ACTR6: variants seen among roughly 807,000 people sequenced by gnomAD.
ACTR6 encodes actin related protein 6.
A neutral mutation model predicts 52.5 loss-of-function variants in ACTR6; 50 were observed. The observed-to-expected ratio is 0.95, with a 90% CI of 0.76 to 1.20. ACTR6 has a LOEUF of 1.20. Ranked by LOEUF, ACTR6 falls within the 50% of genes most tolerant of loss-of-function variation. The probability of loss-of-function intolerance (pLI) is 0.00; values close to 1 mark genes in which losing one functional copy is unlikely to be tolerated. For missense variants in ACTR6, 344 were observed against 472.4 expected, an observed-to-expected ratio of 0.73 and a Z score of 2.52; for synonymous variants, 135 against 147.2, an observed-to-expected ratio of 0.92 and a Z score of 0.60.
chr12:100,217,667 G>A (rs185318106), intron 8 of ACTR6, among the ~76,000 whole-genome samples: 77 of 152,238 alleles, frequency 5.1e-4, no homozygotes, highest in African/African-American at 1.7e-3. Context: ...CTCATATAAA[G>A]TTAGCATTAT....
rs1232593865 is a variant in ACTR6 at position 100,223,933 on chromosome 12, A to C, written c.*18A>C. On this transcript the variant is annotated 3_prime_UTR_variant, in exon 11 of 11. Coordinates refer to ENST00000188312, the MANE Select transcript of ACTR6 (RefSeq NM_022496.5). Reference sequence around the variant, plus strand: ...ATATTTAAGCAACATTTTTGAATGAAAGTTGTGACCATAAGGTTTAATTTC... The same window carrying C: ...ATATTTAAGCAACATTTTTGAATGACAGTTGTGACCATAAGGTTTAATTTC... The C allele has an allele frequency of 6.3e-7, 1 of 1,599,738 alleles. No homozygotes were observed. The highest frequency in any genetic ancestry group is 1.1e-5 in the South Asian group (1 of 88,044).
At chr12:100,216,699 A>G (rs1592845543) in intron 8 of ACTR6, among the ~76,000 whole-genome samples, 1 of 152,346 alleles carries the variant, frequency 6.6e-6, no homozygotes, top group Non-Finnish European at 1.5e-5. Context: ...CCTTAAACTC[A>G]AGTCAGTGAA....
chr12:100,214,344 A>T (rs1379392007), intron 8 of ACTR6, among the ~76,000 whole-genome samples: 1 of 152,062 alleles, frequency 6.6e-6, no homozygotes, highest in Non-Finnish European at 1.5e-5. Flanking sequence ...ACAAAAGTGA[A>T]TTTTTTTGGG....
chr12:100,205,162 C>T (rs912923625), intron 2 of ACTR6, 105 bp downstream of exon 2: 1 of 627,926 alleles, frequency 1.6e-6, no homozygotes, highest in Middle Eastern at 4.0e-4. Flanking sequence ...TTAACTACAA[C>T]CTAATTAAAC....
At chr12:100,210,721 C>CAA (rs537889632) in intron 6 of ACTR6, among the ~76,000 whole-genome samples, 6 of 129,966 alleles carry the variant, frequency 4.6e-5, no homozygotes, top group South Asian at 2.4e-4. Flanking sequence ...CTCTCTCTCT[C>CAA]AAAAAAAAAA....
intron 1 of ACTR6, among the ~76,000 whole-genome samples, chr12:100,202,435 T>C (rs1371362299): frequency 1.3e-5 from 2 of 152,020 alleles, no homozygotes. Context: ...CATTTAAACA[T>C]GTAGAGAAAA....
At chr12:100,213,897 C>A (rs941090750) in intron 8 of ACTR6, among the ~76,000 whole-genome samples, 1 of 151,998 alleles carries the variant, frequency 6.6e-6, no homozygotes. Flanking sequence ...CACATTTGGG[C>A]AAGGAGACAT....
intron 4 of ACTR6, among the ~76,000 whole-genome samples, chr12:100,209,145 A>C (rs2153900281): frequency 6.6e-6 from 1 of 152,372 alleles, no homozygotes; most frequent in South Asian, 2.1e-4. Context: ...TTACAGGCTT[A>C]GATTACATGA....
intron 4 of ACTR6, among the ~76,000 whole-genome samples, chr12:100,209,566 C>G (rs2096118124): frequency 6.6e-6 from 1 of 152,156 alleles, no homozygotes; most frequent in Non-Finnish European, 1.5e-5. Flanking sequence ...CCCTCTACAA[C>G]AAGGAGTTAT....
At chr12:100,221,096 T>C (rs1032376962) in intron 10 of ACTR6, among the ~76,000 whole-genome samples, 1 of 152,190 alleles carries the variant, frequency 6.6e-6, no homozygotes, top group East Asian at 1.9e-4. Flanking sequence ...TCTTATTTTG[T>C]AAATAAAGAA....
chr12:100,212,401 A>T (rs1254946999), intron 7 of ACTR6, 47 bp downstream of exon 7: 1 of 1,591,234 alleles, frequency 6.3e-7, no homozygotes, highest in East Asian at 2.2e-5. Flanking sequence ...TTGTTAGGGG[A>T]TGTTACACAT....
At chr12:100,208,994 G>A (rs117307212) in intron 4 of ACTR6, 6,153 of 323,758 alleles carry the variant, frequency 0.019, 90 homozygotes, top group African/African-American at 0.038. Context: ...TCATCTTCCC[G>A]CCTTGGCCTC....
At position 100,207,699 on chromosome 12, in the gene ACTR6, C is replaced by T. The variant is rs1450669419; in HGVS notation, c.292C>T (p.Pro98Ser). The change falls in exon 4 of 11, where the codon CCA becomes TCA. Residue 98 changes from proline (P) to serine (S), a missense_variant. Coordinates refer to ENST00000188312, the MANE Select transcript of ACTR6 (RefSeq NM_022496.5). ...AGATACTAATATTATTATCACTGAA[C>T]CATACTTTAACTTCACTTCAATTCA... The part of the protein sequence containing the change: ...FLDTNIIITE[P>S]YFNFTSIQES... The T allele has an allele frequency of 2.0e-5, 32 of 1,577,956 alleles. No individual in the cohort carries two copies. The highest frequency in any genetic ancestry group is 2.7e-5 in the African/African-American group (2 of 74,188).
At chr12:100,212,846 A>C (rs1460133282) in intron 8 of ACTR6, among the ~76,000 whole-genome samples, 1 of 151,816 alleles carries the variant, frequency 6.6e-6, no homozygotes. Flanking sequence ...TCTACTAAAA[A>C]TACAAAAAAA....
At chr12:100,209,967 A>G (rs2096118481) in intron 4 of ACTR6, 106 bp from the exon 5 acceptor site, 4 of 944,952 alleles carry the variant, frequency 4.2e-6, no homozygotes, top group Non-Finnish European at 6.2e-6. Flanking sequence ...TTTTCTTGTA[A>G]TAAAGGGAAC....
Position 100,223,933 on chromosome 12 carries a change from A to T in ACTR6, c.*18A>T. 6.3e-7 allele frequency: 1 copy of T among 1,599,738 alleles called. No individual in the cohort carries two copies. Among genetic ancestry groups the T allele is most frequent in the Non-Finnish European group, 8.5e-7 (1 of 1,176,518 alleles). On this transcript the variant is annotated 3_prime_UTR_variant, in exon 11 of 11. Coordinates refer to ENST00000188312, the MANE Select transcript of ACTR6 (RefSeq NM_022496.5). Reference sequence around the variant, plus strand: ...ATATTTAAGCAACATTTTTGAATGAAAGTTGTGACCATAAGGTTTAATTTC... The same window carrying T: ...ATATTTAAGCAACATTTTTGAATGATAGTTGTGACCATAAGGTTTAATTTC...
At chr12:100,210,410 T>A in intron 6 of ACTR6, 59 bp downstream of exon 6, 1 of 1,518,476 alleles carries the variant, frequency 6.6e-7, no homozygotes, top group Non-Finnish European at 9.1e-7. Context: ...CCTTTTACAG[T>A]AATTTAAGAT....
intron 3 of ACTR6, among the ~76,000 whole-genome samples, chr12:100,206,538 A>G (rs549457379): frequency 8.1e-4 from 123 of 152,222 alleles, no homozygotes; most frequent in African/African-American, 2.9e-3. Flanking sequence ...TTTTCTTTTT[A>G]ATAGACATGG....
intron 8 of ACTR6, among the ~76,000 whole-genome samples, chr12:100,213,685 T>A (rs1399981713): frequency 1.3e-5 from 2 of 152,170 alleles, no homozygotes; most frequent in African/African-American, 4.8e-5. Flanking sequence ...CTGGTATGAT[T>A]AGATTAGAAA....
Sources: gnomAD v4.1 joint callset for allele counts (sites outside exome capture counted in the v4.1 genomes callset) on GRCh38, gnomAD v4.1.1 for gene constraint, MANE v1.5 for transcripts, NCBI Gene and HGNC (gene_info 2026-07-23, HGNC 2026-07-21) for gene names.